CELF2: variants seen among roughly 807,000 people sequenced by gnomAD.
CELF2 encodes the protein CUG triplet repeat RNA-binding protein 2.
In CELF2, 8 loss-of-function variants were observed where a neutral mutation model predicts 62.6. The observed-to-expected ratio is 0.13, with a 90% confidence interval of 0.07 to 0.23. The LOEUF is 0.23. Ranked by LOEUF, CELF2 falls within the 10% of genes least tolerant of loss-of-function variation. The pLI is 1.00. For synonymous variants in CELF2, 258 were observed against 250.0 expected (o/e 1.03, Z -0.30); for missense variants, 333 against 671.0 (o/e 0.50, Z 5.56).
At position 11,305,914 on chromosome 10, in the gene CELF2, C is replaced by T. The variant is rs927197418; in HGVS notation, c.977-8225C>T. On this transcript the variant is annotated intron_variant, in intron 9 of 12. Coordinates refer to ENST00000633077, the MANE Select transcript of CELF2 (RefSeq NM_001326342.2). The surrounding 1 kb of genome is among the most constrained non-coding windows in gnomAD (Gnocchi z 4.8). Reference sequence around the variant, plus strand: ...ACCACCTCGCTTTTCCTGTTCTCCACACCCCACCCTGCCCCACAAACAGTT... The same window carrying T: ...ACCACCTCGCTTTTCCTGTTCTCCATACCCCACCCTGCCCCACAAACAGTT... 6.6e-6 allele frequency among the ~76,000 whole-genome samples: 1 copy of T among 152,232 alleles called. No homozygotes were observed. Among genetic ancestry groups the T allele is most frequent in the Non-Finnish European group, 1.5e-5 (1 of 68,042 alleles).
Position 11,314,083 on chromosome 10 carries a change from C to A in CELF2, c.977-56C>A. The A allele has an allele frequency of 6.5e-7, 1 of 1,531,826 alleles. No homozygotes were observed. The highest frequency in any genetic ancestry group is 1.7e-5 in the Admixed American group (1 of 57,544). 94.9% of individuals were successfully genotyped at this position (1,531,826 alleles called of 1,614,324 possible). A position where few individuals can be genotyped will look rare whatever the true frequency, so the allele number is the denominator to read the frequency against. ...ATGATGACAGAAGGATTTCCAGTCT[C>A]GGCTCTCACTCACCTCGTGTCTTCT... On this transcript the variant is annotated intron_variant, in intron 9 of 12. Transcript: ENST00000633077. This position sits in a 1 kb window ranked among gnomAD's most constrained non-coding sequence, Gnocchi z 5.3.
the CELF2 span, among the ~76,000 whole-genome samples, chr10:10,680,065 A>T: frequency 6.6e-6 from 1 of 152,336 alleles, no homozygotes; most frequent in East Asian, 1.9e-4. Flanking sequence ...ATCAAGAATC[A>T]TTAGCATTCT....
intron 1 of CELF2, among the ~76,000 whole-genome samples, chr10:11,062,848 G>C (rs1007145339): frequency 6.6e-6 from 1 of 152,132 alleles, no homozygotes; most frequent in Admixed American, 6.5e-5. Flanking sequence ...CAAACAGCAT[G>C]GGATGCTTCA....
intron 1 of CELF2, chr10:11,092,406 G>T (rs1290039953): frequency 6.6e-6 from 1 of 152,162 alleles, no homozygotes; most frequent in Non-Finnish European, 1.5e-5. Flanking sequence ...CTGTAGGGGA[G>T]AAAACATTTT....
the CELF2 span, among the ~76,000 whole-genome samples, chr10:10,552,790 T>C: frequency 2.0e-5 from 3 of 152,244 alleles, no homozygotes; most frequent in South Asian, 4.1e-4. Flanking sequence ...GAGTGTCTTC[T>C]ATCTTAACTT....
the CELF2 span, among the ~76,000 whole-genome samples, chr10:10,666,740 T>TAG: frequency 9.8e-5 from 12 of 121,870 alleles, 4 homozygotes; most frequent in Admixed American, 3.2e-4. Context: ...CGGGCGCCTG[T>TAG]AGTCCCAGCT....
At chr10:10,780,447 A>G in the CELF2 span, among the ~76,000 whole-genome samples, 1 of 140,752 alleles carries the variant, frequency 7.1e-6, no homozygotes, top group Admixed American at 7.4e-5. Context: ...GTGATAACAG[A>G]GGGAAACGTT....
the CELF2 span, among the ~76,000 whole-genome samples, chr10:10,542,904 G>A: frequency 6.6e-6 from 1 of 152,156 alleles, no homozygotes; most frequent in Non-Finnish European, 1.5e-5. Context: ...TGCAGACTGT[G>A]GGCCAGAGTT....
the CELF2 span, among the ~76,000 whole-genome samples, chr10:10,496,031 A>C: frequency 1.3e-5 from 2 of 152,216 alleles, no homozygotes; most frequent in African/African-American, 4.8e-5. Context: ...ACTTTGTGCT[A>C]ATCACTTTAC....
intron 2 of CELF2, among the ~76,000 whole-genome samples, chr10:11,169,817 A>G (rs1250543933): frequency 6.6e-6 from 1 of 152,192 alleles, no homozygotes; most frequent in African/African-American, 2.4e-5. Context: ...TGATAACTAA[A>G]TTGGGCTCAG....
In CELF2 at chr10:11,243,147, A is replaced by T. The variant is rs1353819361; in HGVS notation, c.355-6006A>T. Among the ~76,000 whole-genome samples the T allele has an allele frequency of 1.3e-5, 2 of 152,048 alleles. No individual in the cohort carries two copies. Among genetic ancestry groups the T allele is most frequent in the African/African-American group, 4.8e-5 (2 of 41,386 alleles). On this transcript the variant is annotated intron_variant, in intron 3 of 12. Coordinates refer to ENST00000633077, the MANE Select transcript of CELF2 (RefSeq NM_001326342.2). This position sits in a 1 kb window ranked among gnomAD's most constrained non-coding sequence, Gnocchi z 4.1. ...CACCTTCATTGTGCATAGGACGCTG[A>T]TTCTTAGTACACAGCAGCAACAGAG...
At chr10:10,882,234 C>T (rs1160813677) in intron 1 of CELF2, among the ~76,000 whole-genome samples, 1 of 152,086 alleles carries the variant, frequency 6.6e-6, no homozygotes, top group Non-Finnish European at 1.5e-5. Flanking sequence ...TAACATGAAG[C>T]AATTAATCAG....
At chr10:10,650,164 C>G in the CELF2 span, among the ~76,000 whole-genome samples, 42,013 of 152,066 alleles carry the variant, frequency 0.28, 6,030 homozygotes, top group South Asian at 0.46. Flanking sequence ...TATTTCATTA[C>G]AGCCTCATTT....
chr10:10,783,874 G>A, the CELF2 span, among the ~76,000 whole-genome samples: 1 of 152,130 alleles, frequency 6.6e-6, no homozygotes, highest in African/African-American at 2.4e-5. Context: ...TGTAGTCCCA[G>A]CTACTTGGGA....
Position 11,034,637 on chromosome 10 carries a change from T to TCAAAA in CELF2, c.74+16474_74+16475insCAAAA, listed in dbSNP as rs1175519149. Among the ~76,000 whole-genome samples the TCAAAA allele has an allele frequency of 6.6e-5, 10 of 152,290 alleles. No homozygotes were observed. In the South Asian group the frequency reaches 1.9e-3, roughly 28 times the overall value. On this transcript the variant is annotated intron_variant, in intron 1 of 12. Coordinates refer to ENST00000633077, the MANE Select transcript of CELF2 (RefSeq NM_001326342.2). ...AGCTTGTGATGGGGGAAAATCAGCA[T>TCAAAA]TCATCAAAACTGGCGATGTGGCAGT...
the CELF2 span, among the ~76,000 whole-genome samples, chr10:10,504,845 G>A: frequency 6.6e-6 from 1 of 151,082 alleles, no homozygotes; most frequent in Non-Finnish European, 1.5e-5. Flanking sequence ...TTTTTATTTT[G>A]GTTATCATAT....
chr10:10,730,550 C>T, the CELF2 span, among the ~76,000 whole-genome samples: 5 of 152,192 alleles, frequency 3.3e-5, no homozygotes, highest in African/African-American at 1.2e-4. Flanking sequence ...TAACTTCCAC[C>T]TACTAGTAAC....
chr10:11,173,307 T>A (rs2069616837), intron 2 of CELF2, among the ~76,000 whole-genome samples: 1 of 152,192 alleles, frequency 6.6e-6, no homozygotes, highest in Admixed American at 6.5e-5. Flanking sequence ...CTCACACACA[T>A]TGCCTCAGAG....
At chr10:10,817,702 T>A (rs779907783) in intron 1 of CELF2, among the ~76,000 whole-genome samples, 5 of 152,238 alleles carry the variant, frequency 3.3e-5, no homozygotes, top group Non-Finnish European at 7.3e-5. Flanking sequence ...CGTACCACAT[T>A]TTCTTTATCC....
Sources: gnomAD v4.1 joint callset for allele counts (sites outside exome capture counted in the v4.1 genomes callset) on GRCh38, gnomAD v4.1.1 for gene constraint, Gnocchi (gnomAD v3.1) non-coding constraint, MANE v1.5 for transcripts, NCBI Gene and HGNC (gene_info 2026-07-23, HGNC 2026-07-21) for gene names.